The following BRD4 variants were observed in gnomAD, a reference collection of about 807,000 sequenced individuals.
BRD4 encodes bromodomain containing 4.
In BRD4, 16 loss-of-function variants were observed where a neutral mutation model predicts 142.1. The observed-to-expected ratio is 0.11, with a 90% CI of 0.08 to 0.17. BRD4 has a LOEUF of 0.17. Ranked by LOEUF, BRD4 falls within the 10% of genes least tolerant of loss-of-function variation. The pLI is 1.00. For synonymous variants in BRD4, 833 were observed against 707.5 expected, an observed-to-expected ratio of 1.18 and a Z score of -2.82; for missense variants, 1,424 against 1,810.9, an observed-to-expected ratio of 0.79 and a Z score of 3.88.
At chr19:15,319,886 T>G (rs1216951591) in intron 1 of BRD4, among the ~76,000 whole-genome samples, 1 of 148,414 alleles carries the variant, frequency 6.7e-6, no homozygotes, top group East Asian at 2.0e-4. Context: ...CAGTTAGCTG[T>G]GATCATGCCA....
chr19:15,269,109 C>G, intron 2 of BRD4, 67 bp from the exon 3 acceptor site: 1 of 1,586,310 alleles, frequency 6.3e-7, no homozygotes. Flanking sequence ...CTGGGCTGGC[C>G]AGGCTGGCCT....
chr19:15,330,526 G>A (rs1043734144), intron 1 of BRD4, among the ~76,000 whole-genome samples: 12 of 152,182 alleles, frequency 7.9e-5, no homozygotes, highest in African/African-American at 2.9e-4. Context: ...AACACTTTGG[G>A]AAGCCGAGGA....
chr19:15,254,457 T>C (rs1461793422), intron 10 of BRD4, among the ~76,000 whole-genome samples, 195 bp from the exon 11 acceptor site: 1 of 152,124 alleles, frequency 6.6e-6, no homozygotes, highest in African/African-American at 2.4e-5. Context: ...GGTAGACTGC[T>C]TACAATGGAA....
chr19:15,238,043 A>AT lies in BRD4; in HGVS notation c.*333dup. On this transcript the variant is annotated 3_prime_UTR_variant, in exon 20 of 20. Coordinates refer to ENST00000679869, the MANE Select transcript of BRD4 (RefSeq NM_001379291.1). The surrounding 1 kb of genome is among the most constrained non-coding windows in gnomAD (Gnocchi z 7.2). ...CGGCGGCAGCAACGATGTCCTGTGT[A>AT]TACTGTGTAGACATTTGGCGGAGAG... is the stretch of plus-strand genomic sequence containing the variant. 1 of 373,924 alleles carries AT rather than the reference A, an allele frequency of 2.7e-6. No individual in the cohort carries two copies. The highest frequency in any genetic ancestry group is 4.9e-6 in the Non-Finnish European group (1 of 202,618). The allele number at this position is 373,924 out of a possible 1,614,324, so 23.2% of individuals were successfully genotyped here. A position where few individuals can be genotyped will look rare whatever the true frequency, so the allele number is the denominator to read the frequency against.
At chr19:15,310,366 CCCCCCCCCCCCCCCGAAGGAG>C (rs2047958182) in intron 1 of BRD4, among the ~76,000 whole-genome samples, 1 of 34,948 alleles carries the variant, frequency 2.9e-5, no homozygotes, top group East Asian at 1.4e-3. Context: ...ATTCCCCCCC[CCCCCCCCCCCCCCCGAAGGAG>C]TCTCACTCTG....
intron 1 of BRD4, among the ~76,000 whole-genome samples, chr19:15,297,795 G>A (rs764183255): frequency 3.9e-4 from 59 of 152,190 alleles, no homozygotes; most frequent in Non-Finnish European, 7.3e-4. Context: ...GTAAGAGGCA[G>A]AAACCAGCTG....
intron 1 of BRD4, among the ~76,000 whole-genome samples, chr19:15,322,216 CT>C (rs1293754725): frequency 4.6e-5 from 7 of 152,302 alleles, no homozygotes; most frequent in African/African-American, 9.6e-5. Flanking sequence ...CTTTTCTCCC[CT>C]ATACACCAAT....
chr19:15,242,838 T>A (rs1489308612), intron 14 of BRD4, 62 bp downstream of exon 14: 6 of 1,554,902 alleles, frequency 3.9e-6, no homozygotes, highest in Non-Finnish European at 5.2e-6. Flanking sequence ...TCTGGCTTCC[T>A]GAGGACAAAA....
At chr19:15,255,688 T>C (rs1352376859) in intron 9 of BRD4, 96 bp from the exon 10 acceptor site, 12 of 1,427,424 alleles carry the variant, frequency 8.4e-6, no homozygotes, top group Non-Finnish European at 1.1e-5. Context: ...AGGGGTGCCC[T>C]TCCCATACCC....
rs2047218419 is a variant in BRD4, at chr19:15,239,229, G to A, written c.3612C>T (p.Ser1204=). 2 of 1,613,102 alleles carry A rather than the reference G, an allele frequency of 1.2e-6. No individual in the cohort carries two copies. The highest frequency in any genetic ancestry group is 4.5e-5 in the East Asian group (2 of 44,872). The change falls in exon 18 of 20, where the codon AGC becomes AGT. Residue 1204 remains serine (S), a synonymous_variant. Coordinates refer to ENST00000679869, the MANE Select transcript of BRD4 (RefSeq NM_001379291.1). This position sits in a 1 kb window ranked among gnomAD's most constrained non-coding sequence, Gnocchi z 7.4. The part of the protein sequence containing the change: ...LKIKNMGSWA[S]LVQKHPTTPS... ...GGGTGGTCGGATGCTTCTGCACTAG[G>A]CTGGCCCAGGAGCCCATGTTCTTGA...
intron 1 of BRD4, among the ~76,000 whole-genome samples, chr19:15,301,717 C>A (rs750290215): frequency 3.3e-5 from 5 of 151,390 alleles, no homozygotes; most frequent in Non-Finnish European, 7.4e-5. Context: ...AAAAATTGGC[C>A]AGGCATGGTG....
At chr19:15,253,171 T>G (rs888626376) in intron 11 of BRD4, 1 of 308,048 alleles carries the variant, frequency 3.2e-6, no homozygotes. Context: ...GCCAGCTCAC[T>G]GACAGCTGCA....
At chr19:15,250,796 T>C (rs1458438840) in intron 11 of BRD4, among the ~76,000 whole-genome samples, 3 of 152,204 alleles carry the variant, frequency 2.0e-5, no homozygotes, top group Non-Finnish European at 4.4e-5. Flanking sequence ...TCCTAGGACA[T>C]GCCCTGCCCC....
At position 15,238,692 on chromosome 19, in the gene BRD4, C is replaced by T. The variant is rs1217039639; in HGVS notation, c.4020+51G>A. ...GGCTCCAGTCCCCCTTTCCCAGCTC[C>T]CTCAGGAGCTAATCCTTAGACCAGG... On this transcript the variant is annotated intron_variant, in intron 19 of 19. Coordinates refer to ENST00000679869, the MANE Select transcript of BRD4 (RefSeq NM_001379291.1). The surrounding 1 kb of genome is among the most constrained non-coding windows in gnomAD (Gnocchi z 7.2). 6.8e-6 allele frequency: 10 copies of T among 1,463,130 alleles called. No individual in the cohort carries two copies. The Admixed American group carries it at 1.1e-4, about 16-fold the overall frequency. 90.6% of individuals were successfully genotyped at this position (1,463,130 alleles called of 1,614,324 possible).
At chr19:15,296,257 T>TA (rs558813778) in intron 1 of BRD4, among the ~76,000 whole-genome samples, 40 of 142,732 alleles carry the variant, frequency 2.8e-4, no homozygotes, top group Middle Eastern at 3.5e-3. Flanking sequence ...CATCTCAAAA[T>TA]AAAAAAAAAA....
intron 11 of BRD4, among the ~76,000 whole-genome samples, chr19:15,249,606 C>T (rs575986838): frequency 6.6e-6 from 1 of 152,190 alleles, no homozygotes; most frequent in Non-Finnish European, 1.5e-5. Flanking sequence ...CCTGAGCGCA[C>T]GCCGGCATTT....
At chr19:15,331,516 T>A (rs781277431) in intron 1 of BRD4, among the ~76,000 whole-genome samples, 1 of 152,182 alleles carries the variant, frequency 6.6e-6, no homozygotes, top group Non-Finnish European at 1.5e-5. Context: ...GCTGCCAGGC[T>A]GAGAGTGGGT....
At chr19:15,314,256 T>G (rs2047998141) in intron 1 of BRD4, among the ~76,000 whole-genome samples, 2 of 152,114 alleles carry the variant, frequency 1.3e-5, no homozygotes. Flanking sequence ...ATGAATGAAA[T>G]GAAAGATGTC....
At chr19:15,253,191 C>A (rs1005742231) in intron 11 of BRD4, 3 of 336,458 alleles carry the variant, frequency 8.9e-6, no homozygotes, top group Non-Finnish European at 1.7e-5. Context: ...ACCAGCCTAG[C>A]GGCAACCCCG....
Sources: allele counts gnomAD v4.1 joint callset (sites outside exome capture counted in the v4.1 genomes callset), GRCh38; gene constraint gnomAD v4.1.1; non-coding constraint Gnocchi (gnomAD v3.1); transcripts MANE v1.5; gene names NCBI Gene and HGNC (gene_info 2026-07-23, HGNC 2026-07-21).